Variants in NMRAL1 observed in about 807,000 individuals in gnomAD.
NMRAL1 encodes the protein nmrA-like family domain-containing protein 1.
Under a neutral mutation model 27.5 loss-of-function variants are expected in NMRAL1, and 32 were observed. The observed-to-expected ratio is 1.16, with a 90% CI of 0.88 to 1.56. The LOEUF is 1.56. NMRAL1 is among the 40% of genes most tolerant of loss of function. NMRAL1 has a pLI of 0.00. For synonymous variants in NMRAL1, 166 were observed against 166.8 expected (o/e 1.00, Z 0.04); for missense variants, 420 against 392.0 (o/e 1.07, Z -0.60).
At chr16:4,465,441 G>A (rs747349991) in intron 4 of NMRAL1, among the ~76,000 whole-genome samples, 1 of 152,246 alleles carries the variant, frequency 6.6e-6, no homozygotes, top group Non-Finnish European at 1.5e-5. Context: ...CAGGGCCAGT[G>A]CACCTAACCT....
At chr16:4,472,314 C>T (rs926093986) in intron 2 of NMRAL1, among the ~76,000 whole-genome samples, 1 of 151,970 alleles carries the variant, frequency 6.6e-6, no homozygotes, top group Admixed American at 6.6e-5. Context: ...TGGTGGTGCA[C>T]ACCTGTAATC....
At chr16:4,466,011 C>A in intron 4 of NMRAL1, 142 bp downstream of exon 4, 3 of 932,742 alleles carry the variant, frequency 3.2e-6, no homozygotes, top group Non-Finnish European at 4.9e-6. Flanking sequence ...CGCAAGCTGA[C>A]AGGATGTGCT....
At chr16:4,464,340 TC>T (rs1266135061) in intron 4 of NMRAL1, 2 of 159,244 alleles carry the variant, frequency 1.3e-5, no homozygotes, top group Non-Finnish European at 2.7e-5. Context: ...TTACCAGGAA[TC>T]CTGATTAACC....
In NMRAL1 at chr16:4,461,850, C is replaced by A; in HGVS notation, c.830G>T (p.Arg277Ile). 6.2e-7 allele frequency: 1 copy of A among 1,614,228 alleles called. No individual in the cohort carries two copies. The highest frequency in any genetic ancestry group is 1.3e-5 in the African/African-American group (1 of 75,062). ...RPDRDIELTLRLNPKALTLDQ... is the reference protein window; with the variant it reads ...RPDRDIELTLILNPKALTLDQ... ...CAGCGTCAGGGCCTTGGGGTTGAGTCTCAGGGTCAGCTCGATGTCACGGTC... is the reference window on the plus strand; with the variant it reads ...CAGCGTCAGGGCCTTGGGGTTGAGTATCAGGGTCAGCTCGATGTCACGGTC... Residue 277 changes from arginine to isoleucine, a missense_variant, in exon 6 of 6, where the codon AGA becomes ATA. Coordinates refer to ENST00000283429, the MANE Select transcript of NMRAL1 (RefSeq NM_020677.6).
chr16:4,470,551 TGGCTGTAATCCTAGCACTTTGGGA>T (rs1482034226), intron 2 of NMRAL1, among the ~76,000 whole-genome samples: 6 of 152,188 alleles, frequency 3.9e-5, no homozygotes, highest in Middle Eastern at 3.4e-3. Context: ...CTGGGTGCAG[TGGCTGTAATCCTAGCACTTTGGGA>T]GGCTGAGACA....
In NMRAL1 at chr16:4,469,441, C is replaced by T. The variant is rs150925122; in HGVS notation, c.65G>A (p.Arg22His). The T allele has an allele frequency of 1.7e-4, 270 of 1,613,800 alleles. No homozygotes were observed. The African/African-American group carries it at 3.1e-3, about 19-fold the overall frequency. The change falls in exon 3 of 6, where the codon CGC becomes CAC. Residue 22 changes from arginine to histidine, a missense_variant. Transcript: ENST00000283429. ...GTGAQGGSVA[R>H]TLLEDGTFKV... ...GAATGTCCCATCTTCCAGGAGTGTG[C>T]GGGCCACGGAGCCACCCTGGGCACC...
intron 3 of NMRAL1, among the ~76,000 whole-genome samples, chr16:4,468,313 G>T (rs752553016): frequency 2.0e-5 from 3 of 151,008 alleles, no homozygotes; most frequent in Non-Finnish European, 4.4e-5. Flanking sequence ...AAAAAATAAA[G>T]AAAGAAATAA....
intron 4 of NMRAL1, among the ~76,000 whole-genome samples, chr16:4,464,437 G>A (rs1208025724): frequency 1.3e-5 from 2 of 152,036 alleles, no homozygotes; most frequent in African/African-American, 4.8e-5. Context: ...AAACTTCCAG[G>A]CTGAGGTTTT....
intron 2 of NMRAL1, among the ~76,000 whole-genome samples, chr16:4,473,659 G>T (rs2057689613): frequency 6.6e-6 from 1 of 151,984 alleles, no homozygotes; most frequent in Non-Finnish European, 1.5e-5. Flanking sequence ...TGGCGTGGTG[G>T]TTCATGCCTG....
intron 4 of NMRAL1, among the ~76,000 whole-genome samples, chr16:4,464,495 T>G (rs1030025091): frequency 2.6e-5 from 4 of 151,644 alleles, no homozygotes; most frequent in Non-Finnish European, 5.9e-5. Flanking sequence ...GTGGAATGCT[T>G]GGGTCCTATC....
chr16:4,472,973 CTTT>C (rs768092791), intron 2 of NMRAL1, among the ~76,000 whole-genome samples: 7 of 119,716 alleles, frequency 5.8e-5, no homozygotes, highest in Admixed American at 8.5e-5. Flanking sequence ...TCATGGAGTT[CTTT>C]TTTTTTTTTT....
intron 5 of NMRAL1, chr16:4,463,374 T>C (rs1286345479): frequency 2.0e-6 from 1 of 497,842 alleles, no homozygotes; most frequent in Non-Finnish European, 3.5e-6. Context: ...TCAAATTCCC[T>C]CCCACAGAGG....
chr16:4,468,868 C>G (rs1393111401), intron 3 of NMRAL1, among the ~76,000 whole-genome samples: 2 of 151,790 alleles, frequency 1.3e-5, no homozygotes, highest in African/African-American at 4.8e-5. Flanking sequence ...CACCCCAGAC[C>G]TCAGCATCAC....
chr16:4,465,310 T>C (rs893456371), intron 4 of NMRAL1, among the ~76,000 whole-genome samples: 1 of 152,168 alleles, frequency 6.6e-6, no homozygotes, highest in Non-Finnish European at 1.5e-5. Context: ...TGGGCCCTTA[T>C]GCGAGGGTGA....
intron 5 of NMRAL1, among the ~76,000 whole-genome samples, chr16:4,463,240 G>A (rs775293959): frequency 3.9e-5 from 6 of 152,192 alleles, no homozygotes; most frequent in Non-Finnish European, 8.8e-5. Context: ...CTGTCCAGTA[G>A]GCCTCCTGCC....
chr16:4,463,524 G>A, intron 5 of NMRAL1, 136 bp downstream of exon 5: 1 of 714,726 alleles, frequency 1.4e-6, no homozygotes, highest in Non-Finnish European at 2.2e-6. Flanking sequence ...TGGAACAGCA[G>A]AAAATAAACG....
At chr16:4,468,661 C>T (rs1173005981) in intron 3 of NMRAL1, among the ~76,000 whole-genome samples, 1 of 150,906 alleles carries the variant, frequency 6.6e-6, no homozygotes, top group Non-Finnish European at 1.5e-5. Context: ...GAGAAGTTGT[C>T]TTTGTCTGCT....
chr16:4,465,116 G>A (rs1033867617), intron 4 of NMRAL1, among the ~76,000 whole-genome samples: 8 of 150,974 alleles, frequency 5.3e-5, no homozygotes, highest in African/African-American at 2.0e-4. Flanking sequence ...TTCACACCAT[G>A]CTGGCCAGGC....
chr16:4,469,293 C>T lies in NMRAL1; in HGVS notation c.213G>A (p.Gly71=), dbSNP rs143613220. ...TGGTCACGATGAAGGTGGCGTAAGC[C>T]CCATTCAGGGCCAGCTCCATGATGA... is the stretch of plus-strand genomic sequence containing the variant. The part of the protein sequence containing the change: ...DQVIMELALN[G]AYATFIVTNY... The change falls in exon 3 of 6, where the codon GGG becomes GGA. Residue 71 remains glycine (G), a synonymous_variant. Transcript: ENST00000283429. The T allele has an allele frequency of 6.2e-7, 1 of 1,614,054 alleles. No homozygotes were observed. The highest frequency in any genetic ancestry group is 8.5e-7 in the Non-Finnish European group (1 of 1,180,030).
Sources: allele counts gnomAD v4.1 joint callset (sites outside exome capture counted in the v4.1 genomes callset), GRCh38; gene constraint gnomAD v4.1.1; transcripts MANE v1.5; gene names NCBI Gene and HGNC (gene_info 2026-07-23, HGNC 2026-07-21).